GTF2IRD1: variants seen among roughly 807,000 people sequenced by gnomAD.
The protein encoded by GTF2IRD1 is GTF2I repeat domain containing 1, also known as general transcription factor II-I repeat domain-containing protein 1.
In GTF2IRD1, 26 loss-of-function variants were observed where a neutral mutation model predicts 113.2. The observed-to-expected ratio is 0.23, with a 90% CI of 0.17 to 0.32. GTF2IRD1 has a LOEUF of 0.32. Ranked by LOEUF, GTF2IRD1 falls within the 10% of genes least tolerant of loss-of-function variation. The probability of loss-of-function intolerance (pLI) is 1.00; values close to 1 mark genes in which losing one functional copy is unlikely to be tolerated. For missense variants in GTF2IRD1, 864 were observed against 1,280.8 expected (o/e 0.67, Z 4.97); for synonymous variants, 484 against 529.1 (o/e 0.91, Z 1.17).
At chr7:74,575,098 A>G (rs1423381708) in intron 22 of GTF2IRD1, among the ~76,000 whole-genome samples, 1 of 362 alleles carries the variant, frequency 2.8e-3, no homozygotes, top group Non-Finnish European at 6.4e-3. Flanking sequence ...CTCAAAATAC[A>G]AAAAAACAAA....
chr7:74,526,723 C>T (rs370497707), intron 8 of GTF2IRD1, among the ~76,000 whole-genome samples: 25 of 148,894 alleles, frequency 1.7e-4, no homozygotes, highest in East Asian at 7.9e-4. Flanking sequence ...ATGAACCAGA[C>T]GGAGACAAAT....
At chr7:74,519,771 C>T (rs782458210) in intron 6 of GTF2IRD1, 52 bp downstream of exon 6, 2 of 1,322,650 alleles carry the variant, frequency 1.5e-6, no homozygotes, top group South Asian at 1.4e-5. Flanking sequence ...AGAGGTCACT[C>T]ATGCAGGGGA....
At chr7:74,567,810 G>T (rs1800413865) in intron 22 of GTF2IRD1, among the ~76,000 whole-genome samples, 1 of 152,132 alleles carries the variant, frequency 6.6e-6, no homozygotes, top group African/African-American at 2.4e-5. Flanking sequence ...GGAGGGGACA[G>T]AGTCTCGCTC....
intron 11 of GTF2IRD1, 149 bp downstream of exon 11, chr7:74,536,424 C>G (rs1798302314): frequency 1.7e-6 from 1 of 587,206 alleles, no homozygotes. Flanking sequence ...ACAGACTCCA[C>G]CTACTTCCCT....
chr7:74,497,353 C>T (rs1333867169), intron 1 of GTF2IRD1, among the ~76,000 whole-genome samples: 3 of 152,156 alleles, frequency 2.0e-5, no homozygotes, highest in Admixed American at 6.6e-5. Flanking sequence ...GCCCCAACCT[C>T]CGCAGGCTCA....
Position 74,518,460 on chromosome 7 carries a change from C to T in GTF2IRD1, c.605+138C>T, listed in dbSNP as rs782333346. 6.2e-6 allele frequency: 4 copies of T among 646,468 alleles called. No individual in the cohort carries two copies. The South Asian group carries it at 8.6e-5, about 14-fold the overall frequency. The allele number at this position is 646,468 out of a possible 1,614,324, so 40.0% of individuals were successfully genotyped here. On this transcript the variant is annotated intron_variant, in intron 5 of 26. Transcript: ENST00000424337. The stretch of plus-strand genomic sequence containing the variant: ...GACCCTGGTGGTGAAAGCTCCCAGT[C>T]TGATGGTGGAGGTGAAGTGAAAGCG...
At chr7:74,522,813 T>G (rs587766465) in intron 7 of GTF2IRD1, among the ~76,000 whole-genome samples, 113 of 152,334 alleles carry the variant, frequency 7.4e-4, no homozygotes, top group African/African-American at 2.6e-3. Flanking sequence ...GTTTAAAACT[T>G]GTCATAAGGA....
At chr7:74,580,511 C>T (rs1380522295) in intron 22 of GTF2IRD1, among the ~76,000 whole-genome samples, 10 of 151,986 alleles carry the variant, frequency 6.6e-5, no homozygotes, top group South Asian at 2.1e-4. Context: ...AGGCACCACC[C>T]GAGCCAGTTG....
At chr7:74,457,870 C>T (rs1163110967) in intron 1 of GTF2IRD1, among the ~76,000 whole-genome samples, 4 of 147,826 alleles carry the variant, frequency 2.7e-5, no homozygotes, top group South Asian at 4.3e-4. Flanking sequence ...TGCTGAGTTA[C>T]GTTTTTGTTT....
Position 74,512,700 on chromosome 7 carries a change from G to T in GTF2IRD1, c.124-130G>T. On this transcript the variant is annotated intron_variant, in intron 2 of 26. Coordinates refer to ENST00000424337, the MANE Select transcript of GTF2IRD1 (RefSeq NM_005685.4). The surrounding 1 kb of genome is among the most constrained non-coding windows in gnomAD (Gnocchi z 4.4). ...ATCTGAGACCAAGAACAGTAGAGGG[G>T]CCGTCTGTCCCTGGAGCTGCTGCTG... The T allele has an allele frequency of 1.3e-6, 1 of 759,348 alleles. No individual in the cohort carries two copies. Among genetic ancestry groups the T allele is most frequent in the Non-Finnish European group, 2.1e-6 (1 of 470,328 alleles). The allele number at this position is 759,348 out of a possible 1,614,324, so 47.0% of individuals were successfully genotyped here.
At chr7:74,568,337 T>TTA (rs1554361354) in intron 22 of GTF2IRD1, among the ~76,000 whole-genome samples, 1 of 91,990 alleles carries the variant, frequency 1.1e-5, no homozygotes, top group Non-Finnish European at 1.9e-5. Context: ...CATCTCTATT[T>TTA]AAAAAAAAAA....
intron 1 of GTF2IRD1, among the ~76,000 whole-genome samples, chr7:74,489,303 G>A (rs998221829): frequency 3.3e-5 from 5 of 152,020 alleles, no homozygotes; most frequent in African/African-American, 9.7e-5. Flanking sequence ...TGTCATGGTC[G>A]GGGGTGTCAC....
intron 1 of GTF2IRD1, among the ~76,000 whole-genome samples, chr7:74,491,597 T>G (rs185346882): frequency 5.7e-4 from 87 of 152,198 alleles, no homozygotes; most frequent in African/African-American, 1.5e-3. Flanking sequence ...TCTGTTCTTG[T>G]GTTAGTTTGC....
At chr7:74,596,191 G>T (rs1802398323) in intron 25 of GTF2IRD1, among the ~76,000 whole-genome samples, 1 of 152,126 alleles carries the variant, frequency 6.6e-6, no homozygotes. Context: ...GCCGGGCGCG[G>T]TGGCTCACGC....
intron 22 of GTF2IRD1, among the ~76,000 whole-genome samples, chr7:74,588,852 C>G (rs1439809045): frequency 6.6e-6 from 1 of 152,122 alleles, no homozygotes; most frequent in Non-Finnish European, 1.5e-5. Flanking sequence ...ATTCAAGCAT[C>G]CTTCTCTCTT....
intron 1 of GTF2IRD1, among the ~76,000 whole-genome samples, chr7:74,471,352 CA>C (rs1199519115): frequency 6.6e-6 from 1 of 151,500 alleles, no homozygotes; most frequent in African/African-American, 2.4e-5. Context: ...CTTAGACAGC[CA>C]AAAAAATTAG....
At chr7:74,515,102 TC>T (rs2130169781) in intron 3 of GTF2IRD1, among the ~76,000 whole-genome samples, 1 of 149,930 alleles carries the variant, frequency 6.7e-6, no homozygotes, top group East Asian at 2.0e-4. Context: ...GATGGAACAT[TC>T]ATCGAACCTC....
At chr7:74,501,235 G>T (rs576140342) in intron 1 of GTF2IRD1, among the ~76,000 whole-genome samples, 2 of 152,172 alleles carry the variant, frequency 1.3e-5, no homozygotes, top group African/African-American at 4.8e-5. Flanking sequence ...CGAGCCCACC[G>T]CTGTGTCATC....
intron 25 of GTF2IRD1, among the ~76,000 whole-genome samples, chr7:74,599,226 A>G (rs1410283125): frequency 1.3e-5 from 2 of 152,098 alleles, no homozygotes; most frequent in African/African-American, 2.4e-5. Context: ...GTGAGCCAAG[A>G]CCACACCACT....
Sources: gnomAD v4.1 joint callset for allele counts (sites outside exome capture counted in the v4.1 genomes callset) on GRCh38, gnomAD v4.1.1 for gene constraint, Gnocchi (gnomAD v3.1) non-coding constraint, MANE v1.5 for transcripts, NCBI Gene and HGNC (gene_info 2026-07-23, HGNC 2026-07-21) for gene names.